The following CNTN4 variants were observed in gnomAD, a reference collection of about 807,000 sequenced individuals.
The protein encoded by CNTN4 is contactin-4.
A neutral mutation model predicts 122.5 loss-of-function variants in CNTN4; 77 were observed. The ratio of observed to expected loss-of-function variants is 0.63; its 90% CI spans 0.52 to 0.76. The LOEUF (loss-of-function observed/expected upper bound fraction) is 0.76. CNTN4 is among the 30% of genes least tolerant of loss of function. CNTN4 has a pLI of 0.00. For synonymous variants in CNTN4, 512 were observed against 447.0 expected (o/e 1.15, Z -1.83); for missense variants, 1,256 against 1,259.1 (o/e 1.00, Z 0.04).
intron 2 of CNTN4, among the ~76,000 whole-genome samples, chr3:2,331,128 C>T (rs2043701902): frequency 6.6e-6 from 1 of 152,050 alleles, no homozygotes; most frequent in African/African-American, 2.4e-5. Context: ...GTATGGTTTC[C>T]CAATGGGAAG....
chr3:2,188,458 G>A (rs957387427), intron 2 of CNTN4, among the ~76,000 whole-genome samples: 1 of 152,154 alleles, frequency 6.6e-6, no homozygotes, highest in Admixed American at 6.6e-5. Context: ...GAGGAAGATT[G>A]GGAGCTGGAG....
chr3:2,116,708 A>T (rs1399899800), intron 2 of CNTN4, among the ~76,000 whole-genome samples: 1 of 152,158 alleles, frequency 6.6e-6, no homozygotes, highest in Non-Finnish European at 1.5e-5. Context: ...CTTTATGTGC[A>T]TTGTGAAATG....
Position 2,533,464 on chromosome 3 carries a change from C to A in CNTN4, c.-88-37952C>A, listed in dbSNP as rs188542749. On this transcript the variant is annotated intron_variant, in intron 3 of 24. Transcript: ENST00000418658. ...CATGTCCCTACAAAGGACATGAACT[C>A]ATCCTTTTTTATGGCTGCATAGTAT... is the stretch of plus-strand genomic sequence containing the variant. Among the ~76,000 whole-genome samples, 797 of 150,228 alleles carry A rather than the reference C, an allele frequency of 5.3e-3. 4 individuals are homozygous for A. The highest frequency in any genetic ancestry group is 9.2e-3 in the Non-Finnish European group (622 of 67,692).
chr3:2,636,026 A>T (rs1370188891), intron 4 of CNTN4, among the ~76,000 whole-genome samples: 1 of 152,118 alleles, frequency 6.6e-6, no homozygotes, highest in Admixed American at 6.6e-5. Context: ...CTGCTATATA[A>T]ACCCCTAATT....
intron 3 of CNTN4, among the ~76,000 whole-genome samples, chr3:2,364,808 C>T (rs1575468280): frequency 6.6e-6 from 1 of 152,258 alleles, no homozygotes; most frequent in East Asian, 1.9e-4. Context: ...AAAAGAGACA[C>T]CTCTCTATGG....
chr3:2,508,386 A>G (rs975925311), intron 3 of CNTN4, among the ~76,000 whole-genome samples: 1 of 152,206 alleles, frequency 6.6e-6, no homozygotes, highest in Admixed American at 6.5e-5. Context: ...AGAAGAAGCA[A>G]TGAGCAGTTG....
At chr3:2,766,541 C>G (rs1447422102) in intron 6 of CNTN4, among the ~76,000 whole-genome samples, 1 of 152,100 alleles carries the variant, frequency 6.6e-6, no homozygotes, top group Non-Finnish European at 1.5e-5. Context: ...GGGAGCTAAG[C>G]TATGAGGACG....
intron 6 of CNTN4, 101 bp from the exon 7 acceptor site, chr3:2,819,385 C>T: frequency 1.1e-6 from 1 of 880,178 alleles, no homozygotes; most frequent in East Asian, 2.5e-5. Flanking sequence ...GCTACCAACG[C>T]AGTTTTGAGC....
intron 3 of CNTN4, among the ~76,000 whole-genome samples, chr3:2,340,710 T>TATATATAG: frequency 1.6e-3 from 30 of 18,300 alleles, no homozygotes; most frequent in African/African-American, 2.5e-3. Context: ...TATATATATA[T>TATATATAG]AGAGAGAGAG....
chr3:2,264,683 G>T (rs1467968436), intron 2 of CNTN4, among the ~76,000 whole-genome samples: 1 of 151,792 alleles, frequency 6.6e-6, no homozygotes, highest in African/African-American at 2.4e-5. Context: ...TGCTTTTGAG[G>T]CCTTACCCCA....
intron 2 of CNTN4, among the ~76,000 whole-genome samples, chr3:2,165,403 A>C: frequency 6.6e-6 from 1 of 152,158 alleles, no homozygotes; most frequent in East Asian, 1.9e-4. Context: ...TTGAAAAATA[A>C]AAATTGTTTA....
intron 5 of CNTN4, among the ~76,000 whole-genome samples, chr3:2,743,954 G>A (rs2089611501): frequency 2.0e-5 from 3 of 152,112 alleles, no homozygotes; most frequent in Admixed American, 2.0e-4. Flanking sequence ...GGGACTACAA[G>A]CATGCATGCA....
At chr3:2,597,822 T>G (rs888423275) in intron 4 of CNTN4, among the ~76,000 whole-genome samples, 2 of 152,206 alleles carry the variant, frequency 1.3e-5, no homozygotes, top group African/African-American at 2.4e-5. Context: ...CCTATGTTTG[T>G]TCCCATCTAA....
chr3:2,395,487 G>T (rs1305892871), intron 3 of CNTN4, among the ~76,000 whole-genome samples: 1 of 152,100 alleles, frequency 6.6e-6, no homozygotes, highest in Non-Finnish European at 1.5e-5. Context: ...CACTGTGCAG[G>T]TTTGTCACAT....
intron 7 of CNTN4, among the ~76,000 whole-genome samples, chr3:2,842,541 C>G (rs2093381245): frequency 6.6e-6 from 1 of 152,200 alleles, no homozygotes; most frequent in South Asian, 2.1e-4. Context: ...TCCCACTGCT[C>G]AATTTCTATG....
chr3:2,158,767 G>C (rs999511391), intron 2 of CNTN4, among the ~76,000 whole-genome samples: 1 of 152,210 alleles, frequency 6.6e-6, no homozygotes, highest in Non-Finnish European at 1.5e-5. Flanking sequence ...ATTTGGGAAA[G>C]AGAACCCATT....
intron 4 of CNTN4, among the ~76,000 whole-genome samples, chr3:2,620,102 A>G (rs1015759063): frequency 2.0e-5 from 3 of 152,192 alleles, no homozygotes; most frequent in Non-Finnish European, 4.4e-5. Flanking sequence ...TTAAGATTCA[A>G]TGTTTAAAAG....
intron 13 of CNTN4, among the ~76,000 whole-genome samples, chr3:2,972,468 C>A (rs1693018995): frequency 6.6e-6 from 1 of 152,034 alleles, no homozygotes; most frequent in South Asian, 2.1e-4. Context: ...AAGCATGATT[C>A]GTTAGGGATA....
intron 4 of CNTN4, 141 bp downstream of exon 4, chr3:2,571,699 G>A: frequency 1.4e-6 from 1 of 707,500 alleles, no homozygotes; most frequent in Non-Finnish European, 2.6e-6. Context: ...TGACACTGTT[G>A]AATATACCTT....
Sources: gnomAD v4.1 joint callset for allele counts (sites outside exome capture counted in the v4.1 genomes callset) on GRCh38, gnomAD v4.1.1 for gene constraint, MANE v1.5 for transcripts, NCBI Gene and HGNC (gene_info 2026-07-23, HGNC 2026-07-21) for gene names.